PAPPA: variants seen among roughly 807,000 people sequenced by gnomAD.
PAPPA encodes pappalysin-1.
Under a neutral mutation model 164.0 loss-of-function variants are expected in PAPPA, and 60 were observed. That is an observed-to-expected ratio of 0.37 (90% CI 0.30 to 0.45). PAPPA has a LOEUF of 0.45. Among genes scored for constraint, PAPPA ranks in the 20% least tolerant of loss-of-function variants. The pLI is 1.00. For synonymous variants in PAPPA, 875 were observed against 814.1 expected, an observed-to-expected ratio of 1.07 and a Z score of -1.27; for missense variants, 1,782 against 2,087.3, an observed-to-expected ratio of 0.85 and a Z score of 2.85.
intron 7 of PAPPA, among the ~76,000 whole-genome samples, chr9:116,236,231 A>G (rs1844663772): frequency 6.6e-6 from 1 of 152,072 alleles, no homozygotes; most frequent in South Asian, 2.1e-4. Flanking sequence ...TTGCAGCTTT[A>G]GGTTTCCGTA....
chr9:116,214,601 A>G (rs773437155), intron 4 of PAPPA, among the ~76,000 whole-genome samples: 18 of 152,154 alleles, frequency 1.2e-4, no homozygotes, highest in Non-Finnish European at 2.4e-4. Flanking sequence ...GGGAAGCCTA[A>G]TTCAGTAGGC....
intron 1 of PAPPA, among the ~76,000 whole-genome samples, chr9:116,171,303 C>G (rs1843773237): frequency 2.6e-5 from 4 of 152,188 alleles, no homozygotes; most frequent in Admixed American, 2.6e-4. Flanking sequence ...TATGATGTAG[C>G]AGAATGCCCT....
In PAPPA at chr9:116,154,493, C is replaced by T. The variant is rs374951455; in HGVS notation, c.321C>T (p.Arg107=). 1.1e-3 allele frequency: 1,432 copies of T among 1,336,752 alleles called. 34 individuals carry two copies. The South Asian group carries it at 0.025, about 23-fold the overall frequency. The allele number at this position is 1,336,752 out of a possible 1,614,324, so 82.8% of individuals were successfully genotyped here. Residue 107 remains arginine (R), a synonymous_variant, in exon 1 of 22, where the codon CGC becomes CGT. Coordinates refer to ENST00000328252, the MANE Select transcript of PAPPA (RefSeq NM_002581.5). The surrounding 1 kb of genome is among the most constrained non-coding windows in gnomAD (Gnocchi z 5.2). ...TCAGCGGGCGAGGCGAGCAGCTGCG[C>T]CTCCGGGCCGACCTCGAGCTGCCCC... ...LYFSGRGEQL[R]LRADLELPRD...
intron 10 of PAPPA, among the ~76,000 whole-genome samples, 163 bp from the exon 11 acceptor site, chr9:116,331,081 A>G (rs1310502168): frequency 6.6e-6 from 1 of 152,204 alleles, no homozygotes; most frequent in African/African-American, 2.4e-5. Flanking sequence ...CCTCTTCTAC[A>G]TTAGAATGTG....
intron 10 of PAPPA, among the ~76,000 whole-genome samples, chr9:116,314,442 A>G (rs780108808): frequency 6.6e-5 from 10 of 152,008 alleles, no homozygotes; most frequent in Non-Finnish European, 1.2e-4. Flanking sequence ...TTGTAACTCA[A>G]TGTCTTAAAT....
intron 7 of PAPPA, among the ~76,000 whole-genome samples, chr9:116,242,727 A>G (rs1012227029): frequency 1.3e-5 from 2 of 152,218 alleles, no homozygotes; most frequent in African/African-American, 4.8e-5. Context: ...GGCCTTTTTC[A>G]TTTTAATGGA....
intron 21 of PAPPA, among the ~76,000 whole-genome samples, chr9:116,395,693 G>T (rs1267189400): frequency 6.6e-6 from 1 of 152,224 alleles, no homozygotes; most frequent in Non-Finnish European, 1.5e-5. Flanking sequence ...ACTGGCAACT[G>T]TATTGAACTC....
intron 1 of PAPPA, among the ~76,000 whole-genome samples, chr9:116,165,426 C>G (rs1158327919): frequency 6.6e-6 from 1 of 152,194 alleles, no homozygotes; most frequent in African/African-American, 2.4e-5. Context: ...CATCATCTAC[C>G]ATATTCAATC....
At chr9:116,232,325 T>C (rs1844608833) in intron 6 of PAPPA, among the ~76,000 whole-genome samples, 2 of 152,174 alleles carry the variant, frequency 1.3e-5, no homozygotes, top group African/African-American at 2.4e-5. Flanking sequence ...TGTTAATACG[T>C]CCCTACTTTC....
chr9:116,252,763 A>G (rs756708209), intron 7 of PAPPA, among the ~76,000 whole-genome samples: 1 of 152,042 alleles, frequency 6.6e-6, no homozygotes, highest in Non-Finnish European at 1.5e-5. Flanking sequence ...TCTACTGCTC[A>G]CTCCACCCAA....
intron 9 of PAPPA, among the ~76,000 whole-genome samples, chr9:116,298,541 G>A (rs975151179): frequency 6.6e-6 from 1 of 152,180 alleles, no homozygotes; most frequent in Non-Finnish European, 1.5e-5. Context: ...CCCACTATCA[G>A]CTAGTCACCA....
At chr9:116,274,818 T>A (rs1367187515) in intron 9 of PAPPA, among the ~76,000 whole-genome samples, 1 of 152,206 alleles carries the variant, frequency 6.6e-6, no homozygotes, top group African/African-American at 2.4e-5. Context: ...AGTGTGGGTA[T>A]ATACAACCTA....
Position 116,187,344 on chromosome 9 carries a change from C to T in PAPPA, c.606C>T (p.Thr202=), listed in dbSNP as rs1415311134. 6.2e-7 allele frequency: 1 copy of T among 1,613,992 alleles called. No individual in the cohort carries two copies. Among genetic ancestry groups the T allele is most frequent in the Non-Finnish European group, 8.5e-7 (1 of 1,180,048 alleles). Residue 202 remains threonine, a synonymous_variant, in exon 2 of 22, where the codon ACC becomes ACT. Transcript: ENST00000328252. This position sits in a 1 kb window ranked among gnomAD's most constrained non-coding sequence, Gnocchi z 4.2. ...LPGQWVYLAA[T]YDGQFMKLYV... ...GCCAGTGGGTATACCTAGCTGCCAC[C>T]TATGATGGGCAGTTCATGAAGCTCT...
intron 7 of PAPPA, among the ~76,000 whole-genome samples, chr9:116,241,594 A>G (rs770878906): frequency 2.6e-4 from 40 of 152,198 alleles, no homozygotes; most frequent in Non-Finnish European, 5.1e-4. Flanking sequence ...CCTGGTTCAT[A>G]TTCTTAAGTA....
intron 5 of PAPPA, among the ~76,000 whole-genome samples, chr9:116,221,057 T>A (rs1224246144): frequency 6.6e-6 from 1 of 152,098 alleles, no homozygotes; most frequent in Admixed American, 6.5e-5. Context: ...GTTCGTTAAT[T>A]AACCACATGG....
intron 2 of PAPPA, among the ~76,000 whole-genome samples, chr9:116,192,092 G>A (rs1319135578): frequency 2.6e-5 from 4 of 152,172 alleles, no homozygotes; most frequent in Admixed American, 2.6e-4. Context: ...TAAATTCCAT[G>A]TTGTCATTCT....
At chr9:116,170,339 C>CA (rs1843762579) in intron 1 of PAPPA, among the ~76,000 whole-genome samples, 1 of 152,046 alleles carries the variant, frequency 6.6e-6, no homozygotes. Flanking sequence ...GAATTTGGAC[C>CA]TTTTTTTCCT....
At chr9:116,210,867 C>T (rs1844297973) in intron 3 of PAPPA, among the ~76,000 whole-genome samples, 2 of 152,142 alleles carry the variant, frequency 1.3e-5, no homozygotes, top group African/African-American at 4.8e-5. Context: ...AAGTGATGTA[C>T]TTGATGTATG....
chr9:116,256,412 G>A (rs776882955), intron 7 of PAPPA, among the ~76,000 whole-genome samples: 1 of 151,710 alleles, frequency 6.6e-6, no homozygotes. Context: ...AATAAGCAAG[G>A]AAAAAATGGA....
Sources: gnomAD v4.1 joint callset for allele counts (sites outside exome capture counted in the v4.1 genomes callset) on GRCh38, gnomAD v4.1.1 for gene constraint, Gnocchi (gnomAD v3.1) non-coding constraint, MANE v1.5 for transcripts, NCBI Gene and HGNC (gene_info 2026-07-23, HGNC 2026-07-21) for gene names.